Variants in TTC28 observed in about 807,000 individuals in gnomAD.
TTC28 encodes tetratricopeptide repeat domain 28.
In TTC28, 61 loss-of-function variants were observed where a neutral mutation model predicts 198.0. The ratio of observed to expected loss-of-function variants is 0.31; its 90% confidence interval spans 0.25 to 0.38. The LOEUF is 0.38. Among genes scored for constraint, TTC28 ranks in the 10% least tolerant of loss-of-function variants. The pLI is 1.00. For synonymous variants in TTC28, 1,171 were observed against 1,297.8 expected, an observed-to-expected ratio of 0.90 and a Z score of 2.10; for missense variants, 2,678 against 3,164.0, an observed-to-expected ratio of 0.85 and a Z score of 3.69.
At chr22:28,427,608 G>T (rs574018085) in intron 2 of TTC28, among the ~76,000 whole-genome samples, 1 of 152,302 alleles carries the variant, frequency 6.6e-6, no homozygotes, top group South Asian at 2.1e-4. Context: ...AGCAGAGATC[G>T]CGCCACCGCA....
At chr22:28,410,168 C>T (rs2047060567) in intron 2 of TTC28, among the ~76,000 whole-genome samples, 2 of 152,138 alleles carry the variant, frequency 1.3e-5, no homozygotes, top group South Asian at 2.1e-4. Context: ...GTGATCTGCC[C>T]ACCTCGGCTT....
intron 12 of TTC28, among the ~76,000 whole-genome samples, chr22:28,035,356 C>G (rs1391209488): frequency 1.3e-5 from 2 of 152,320 alleles, no homozygotes; most frequent in East Asian, 3.9e-4. Context: ...GGAAACAGAT[C>G]AAAGGCAGCA....
intron 2 of TTC28, among the ~76,000 whole-genome samples, chr22:28,615,449 G>T (rs185801225): frequency 3.9e-5 from 6 of 152,168 alleles, no homozygotes; most frequent in African/African-American, 1.4e-4. Flanking sequence ...CCATTACTGG[G>T]TATATACCCA....
chr22:28,063,830 C>T (rs776835715), intron 12 of TTC28, among the ~76,000 whole-genome samples: 2 of 151,944 alleles, frequency 1.3e-5, no homozygotes, highest in East Asian at 1.9e-4. Context: ...ACGAGGTAGG[C>T]GTGTGAACCT....
intron 5 of TTC28, among the ~76,000 whole-genome samples, chr22:28,274,663 C>T (rs991088500): frequency 6.6e-6 from 1 of 152,018 alleles, no homozygotes; most frequent in Admixed American, 6.5e-5. Context: ...GTATGGATTG[C>T]CAGATTGCAG....
intron 2 of TTC28, among the ~76,000 whole-genome samples, chr22:28,460,684 TAGGC>T (rs151256529): frequency 6.6e-6 from 1 of 151,412 alleles, no homozygotes. Flanking sequence ...GACAGATAGA[TAGGC>T]AGGCAGGCAG....
intron 13 of TTC28, among the ~76,000 whole-genome samples, chr22:28,023,445 G>C (rs77692894): frequency 6.6e-6 from 1 of 152,242 alleles, no homozygotes; most frequent in Non-Finnish European, 1.5e-5. Flanking sequence ...ATTGGGGTGG[G>C]CTTCTCAAGT....
At chr22:28,391,664 A>G (rs372595129) in intron 2 of TTC28, among the ~76,000 whole-genome samples, 1 of 152,180 alleles carries the variant, frequency 6.6e-6, no homozygotes, top group East Asian at 1.9e-4. Context: ...TTCTTCACAT[A>G]GTTCTCGAGC....
intron 1 of TTC28, among the ~76,000 whole-genome samples, chr22:28,669,490 C>G (rs894161921): frequency 6.6e-6 from 1 of 152,028 alleles, no homozygotes; most frequent in East Asian, 1.9e-4. Context: ...AGTACCCGGC[C>G]TTATTAAATA....
At chr22:28,633,873 G>A (rs2051221110) in intron 1 of TTC28, among the ~76,000 whole-genome samples, 1 of 152,040 alleles carries the variant, frequency 6.6e-6, no homozygotes, top group South Asian at 2.1e-4. Flanking sequence ...AATCTGAGAG[G>A]GGGAAATACC....
At chr22:28,435,511 T>A (rs906114207) in intron 2 of TTC28, among the ~76,000 whole-genome samples, 1 of 152,232 alleles carries the variant, frequency 6.6e-6, no homozygotes, top group Non-Finnish European at 1.5e-5. Context: ...AATGATATAA[T>A]GAATTCACTG....
intron 5 of TTC28, among the ~76,000 whole-genome samples, chr22:28,293,018 G>T (rs748096168): frequency 6.6e-6 from 1 of 152,098 alleles, no homozygotes; most frequent in Non-Finnish European, 1.5e-5. Context: ...GTACATTCCC[G>T]TAAGTTCTAA....
At chr22:28,204,888 C>T (rs1343829773) in intron 5 of TTC28, among the ~76,000 whole-genome samples, 1 of 152,130 alleles carries the variant, frequency 6.6e-6, no homozygotes, top group Admixed American at 6.5e-5. Context: ...ATGAGGACTC[C>T]TGGTAGCAGT....
At chr22:28,014,026 A>T (rs535055288) in intron 14 of TTC28, among the ~76,000 whole-genome samples, 12 of 152,258 alleles carry the variant, frequency 7.9e-5, no homozygotes, top group African/African-American at 2.9e-4. Context: ...TTGCAACTTA[A>T]AGCTCAAGGC....
chr22:28,559,474 T>G (rs2049836940), intron 2 of TTC28, among the ~76,000 whole-genome samples: 1 of 152,220 alleles, frequency 6.6e-6, no homozygotes, highest in Non-Finnish European at 1.5e-5. Context: ...CCAAGTCTAC[T>G]AATTCTGCCT....
chr22:28,437,549 G>A (rs745793762), intron 2 of TTC28, among the ~76,000 whole-genome samples: 1 of 152,106 alleles, frequency 6.6e-6, no homozygotes, highest in Non-Finnish European at 1.5e-5. Flanking sequence ...GCTTTAAGAA[G>A]GTGAGTAATA....
At chr22:28,397,427 CA>C (rs1304162689) in intron 2 of TTC28, among the ~76,000 whole-genome samples, 2 of 152,218 alleles carry the variant, frequency 1.3e-5, no homozygotes, top group African/African-American at 4.8e-5. Context: ...CTAGTGCTCA[CA>C]AAGAATGAGA....
intron 12 of TTC28, among the ~76,000 whole-genome samples, chr22:28,074,957 G>T (rs967878741): frequency 3.3e-5 from 5 of 152,066 alleles, no homozygotes; most frequent in Admixed American, 6.5e-5. Context: ...AAAATTAGCC[G>T]AGTGTGGTGG....
At chr22:28,020,239 G>A (rs1253382373) in intron 13 of TTC28, among the ~76,000 whole-genome samples, 2 of 152,246 alleles carry the variant, frequency 1.3e-5, no homozygotes, top group Non-Finnish European at 2.9e-5. Flanking sequence ...CTCACAGTCT[G>A]TCCCATGGCT....
Sources: allele counts gnomAD v4.1 joint callset (sites outside exome capture counted in the v4.1 genomes callset), GRCh38; gene constraint gnomAD v4.1.1; transcripts MANE v1.5; gene names NCBI Gene and HGNC (gene_info 2026-07-23, HGNC 2026-07-21).